The following DEFA4 variants were observed in gnomAD, a reference collection of about 807,000 sequenced individuals.
The protein encoded by DEFA4 is defensin alpha 4, also known as corticostatin.
Under a neutral mutation model 4.4 loss-of-function variants are expected in DEFA4, and 8 were observed. The ratio of observed to expected loss-of-function variants is 1.82; its 90% CI spans 1.07 to 3.29. DEFA4 has a LOEUF of 3.29. Among genes scored for constraint, DEFA4 ranks in the 30% most tolerant of loss-of-function variants. The pLI is 0.00. For synonymous variants in DEFA4, 77 were observed against 46.5 expected (o/e 1.66, Z -2.67); for missense variants, 216 against 127.0 (o/e 1.70, Z -3.37).
chr8:6,936,233 G>A (rs780978408), intron 2 of DEFA4, 92 bp from the exon 3 acceptor site: 17 of 1,539,668 alleles, frequency 1.1e-5, no homozygotes, highest in South Asian at 7.0e-5. Flanking sequence ...CTGGCTGACC[G>A]GTGATGCTGG....
intron 2 of DEFA4, 127 bp from the exon 3 acceptor site, chr8:6,936,268 C>G (rs978633805): frequency 8.6e-7 from 1 of 1,158,898 alleles, no homozygotes; most frequent in African/African-American, 1.5e-5. Flanking sequence ...GTAGCACAAA[C>G]AACCTTAGTC....
chr8:6,936,220 A>C, intron 2 of DEFA4, 79 bp from the exon 3 acceptor site: 2 of 1,580,212 alleles, frequency 1.3e-6, no homozygotes, highest in Non-Finnish European at 1.7e-6. Context: ...GAGAAGTCAC[A>C]TGCTGGCTGA....
chr8:6,936,193 T>C lies in DEFA4; in HGVS notation c.173-52A>G, dbSNP rs55977310. 45 of 1,603,588 alleles carry C rather than the reference T, an allele frequency of 2.8e-5. 1 individual carries two copies. The South Asian group carries it at 4.6e-4, about 17-fold the overall frequency. On this transcript the variant is annotated intron_variant, in intron 2 of 2. Transcript: ENST00000297435. Reference sequence around the variant, plus strand: ...ATTAAGCACCAAGGTCAGCGGTGGGTGGTAAAGGGAATCTTGGAGAAGTCA... The same window carrying C: ...ATTAAGCACCAAGGTCAGCGGTGGGCGGTAAAGGGAATCTTGGAGAAGTCA...
In DEFA4 at chr8:6,936,132, C is replaced by CT; in HGVS notation, c.181dup (p.Arg61LysfsTer64). Reference sequence around the variant, plus strand: ...TAATCTGCAAGAGCAGACCATGCCCCTTGTTGAGCCTGGGAACACAGAGGA... The same window carrying CT: ...TAATCTGCAAGAGCAGACCATGCCCCTTTGTTGAGCCTGGGAACACAGAGGA... On this transcript the variant is annotated frameshift_variant, in exon 3 of 3. Transcript: ENST00000297435. LOFTEE classifies it low-confidence loss of function (END_TRUNC). The CT allele has an allele frequency of 2.5e-6, 4 of 1,613,920 alleles. No homozygotes were observed. Among genetic ancestry groups the CT allele is most frequent in the African/African-American group, 1.3e-5 (1 of 75,032 alleles).
At position 6,936,874 on chromosome 8, in the gene DEFA4, G is replaced by C; in HGVS notation, c.26C>G (p.Ala9Gly). 6.2e-7 allele frequency: 1 copy of C among 1,610,198 alleles called. No homozygotes were observed. Among genetic ancestry groups the C allele is most frequent in the South Asian group, 1.1e-5 (1 of 90,164 alleles). The change falls in exon 2 of 3, where the codon GCT (alanine) becomes GGT (glycine). Residue 9 changes from alanine to glycine, a missense_variant. Coordinates refer to ENST00000297435, the MANE Select transcript of DEFA4 (RefSeq NM_001925.3). ...GACCTGGAGGGCTACCAAGAGAATAGCAGCGAGGAGGGCGATAATCCTCAT... is the reference window on the plus strand; with the variant it reads ...GACCTGGAGGGCTACCAAGAGAATACCAGCGAGGAGGGCGATAATCCTCAT... MRIIALLA[A>G]ILLVALQVRA...
rs1468065980 is a variant in DEFA4, at chr8:6,936,683, C to T, written c.172+45G>A. On this transcript the variant is annotated intron_variant, in intron 2 of 2. Coordinates refer to ENST00000297435, the MANE Select transcript of DEFA4 (RefSeq NM_001925.3). ...TGTGATTCCAGAGCCCATCTCCCAT[C>T]CGTCTCTCTAGACTCGGTAGCTTTT... The T allele has an allele frequency of 2.0e-6, 3 of 1,501,144 alleles. No individual in the cohort carries two copies. The Admixed American group carries it at 6.2e-5, about 31-fold the overall frequency. The allele number at this position is 1,501,144 out of a possible 1,614,324, so 93.0% of individuals were successfully genotyped here.
chr8:6,936,783 G>T lies in DEFA4; in HGVS notation c.117C>A (p.Asp39Glu), dbSNP rs769062464. 2 of 1,613,546 alleles carry T rather than the reference G, an allele frequency of 1.2e-6. No individual in the cohort carries two copies. Among genetic ancestry groups the T allele is most frequent in the African/African-American group, 2.7e-5 (2 of 74,922 alleles). The change falls in exon 2 of 3, where the codon GAC becomes GAA. Residue 39 changes from aspartate (D) to glutamate (E), a missense_variant. By Grantham distance (45) the Asp-to-Glu change is conservative. Coordinates refer to ENST00000297435, the MANE Select transcript of DEFA4 (RefSeq NM_001925.3). ...APGQEQRGPE[D>E]QDISISFAWD... ...ATGCAAAGGAAATAGATATGTCCTGGTCTTCTGGCCCACGCTGCTCCTGGC... is the reference window on the plus strand; with the variant it reads ...ATGCAAAGGAAATAGATATGTCCTGTTCTTCTGGCCCACGCTGCTCCTGGC...
chr8:6,937,685 A>G (rs183002069), intron 1 of DEFA4, among the ~76,000 whole-genome samples: 303 of 152,288 alleles, frequency 2.0e-3, no homozygotes, highest in African/African-American at 5.7e-3. Context: ...GACGTGAGTA[A>G]TGATTTCTTG....
chr8:6,936,123 A>C lies in DEFA4; in HGVS notation c.191T>G (p.Val64Gly). 1 of 1,614,042 alleles carries C rather than the reference A, an allele frequency of 6.2e-7. No individual in the cohort carries two copies. The highest frequency in any genetic ancestry group is 8.5e-7 in the Non-Finnish European group (1 of 1,180,018). The change falls in exon 3 of 3, where the codon GTC becomes GGC. Residue 64 changes from valine to glycine, a missense_variant. Physicochemically the swap from Val to Gly is moderately radical, Grantham distance 109. Transcript: ENST00000297435. Reference protein sequence around the residue: ...LQVSGSTRGMVCSCRLVFCRR... With the variant: ...LQVSGSTRGMGCSCRLVFCRR... ...GCAGAATACTAATCTGCAAGAGCAG[A>C]CCATGCCCCTTGTTGAGCCTGGGAA...
Position 6,936,101 on chromosome 8 carries a change from G to T in DEFA4, c.213C>A (p.Phe71Leu). ...CAACACGAAGTTCTGTTCGCCGGCA[G>T]AATACTAATCTGCAAGAGCAGACCA... ...RGMVCSCRLV[F>L]CRRTELRVGN... The change falls in exon 3 of 3, where the codon TTC becomes TTA. Residue 71 changes from phenylalanine (F) to leucine (L), a missense_variant. By Grantham distance (22) the Phe-to-Leu change is conservative. Coordinates refer to ENST00000297435, the MANE Select transcript of DEFA4 (RefSeq NM_001925.3). 1 of 1,614,044 alleles carries T rather than the reference G, an allele frequency of 6.2e-7. No individual in the cohort carries two copies. The highest frequency in any genetic ancestry group is 8.5e-7 in the Non-Finnish European group (1 of 1,180,018).
chr8:6,936,992 G>T, intron 1 of DEFA4, 81 bp from the exon 2 acceptor site: 1 of 1,269,442 alleles, frequency 7.9e-7, no homozygotes, highest in Non-Finnish European at 1.0e-6. Flanking sequence ...AGAAGGCACA[G>T]AGATAAGAAA....
intron 1 of DEFA4, among the ~76,000 whole-genome samples, chr8:6,937,499 G>A (rs756387013): frequency 1.3e-5 from 2 of 152,172 alleles, no homozygotes; most frequent in African/African-American, 2.4e-5. Context: ...TGAGCTCAGT[G>A]AGAGAGATAA....
At chr8:6,937,837 A>C (rs1364544481) in intron 1 of DEFA4, among the ~76,000 whole-genome samples, 1 of 152,210 alleles carries the variant, frequency 6.6e-6, no homozygotes, top group East Asian at 1.9e-4. Flanking sequence ...AAATGTTTGC[A>C]AAGCCTACGT....
intron 2 of DEFA4, 111 bp downstream of exon 2, chr8:6,936,617 G>T: frequency 1.8e-6 from 2 of 1,132,596 alleles, no homozygotes; most frequent in Non-Finnish European, 1.2e-6. Flanking sequence ...GAGGCCCAGA[G>T]ATGGTAAGTA....
chr8:6,936,654 G>A, intron 2 of DEFA4, 74 bp downstream of exon 2: 1 of 1,411,528 alleles, frequency 7.1e-7, no homozygotes, highest in Non-Finnish European at 9.4e-7. Flanking sequence ...ATCCACCATT[G>A]AGATGTGATT....
rs368531362 is a variant in DEFA4, at chr8:6,935,908, C to A, written c.*112G>T. On this transcript the variant is annotated 3_prime_UTR_variant, in exon 3 of 3. Coordinates refer to ENST00000297435, the MANE Select transcript of DEFA4 (RefSeq NM_001925.3). ...CAACCATTTCCTGTAGCTCTCAAAG[C>A]AAATTATGAGCTCATTTTTCTCTAT... The A allele has an allele frequency of 3.7e-5, 55 of 1,503,678 alleles. 1 individual carries two copies. The highest frequency in any genetic ancestry group is 2.5e-4 in the East Asian group (11 of 44,146). The allele number at this position is 1,503,678 out of a possible 1,614,324, so 93.1% of individuals were successfully genotyped here. A position where few individuals can be genotyped will look rare whatever the true frequency, so the allele number is the denominator to read the frequency against.
At chr8:6,936,634 C>T (rs1014539163) in intron 2 of DEFA4, 94 bp downstream of exon 2, 14 of 1,335,734 alleles carry the variant, frequency 1.0e-5, no homozygotes, top group African/African-American at 8.9e-5. Flanking sequence ...AGTAAAGCCA[C>T]CTAAGTGACA....
At chr8:6,937,417 G>A (rs1264172792) in intron 1 of DEFA4, among the ~76,000 whole-genome samples, 1 of 152,098 alleles carries the variant, frequency 6.6e-6, no homozygotes, top group Non-Finnish European at 1.5e-5. Flanking sequence ...GGCGACTGAG[G>A]TAATGGGGTG....
At chr8:6,936,195 G>A in intron 2 of DEFA4, 54 bp from the exon 3 acceptor site, 1 of 1,603,250 alleles carries the variant, frequency 6.2e-7, no homozygotes, top group South Asian at 1.1e-5. Context: ...GCGGTGGGTG[G>A]TAAAGGGAAT....
Sources: gnomAD v4.1 joint callset for allele counts (sites outside exome capture counted in the v4.1 genomes callset) on GRCh38, gnomAD v4.1.1 for gene constraint, MANE v1.5 for transcripts, NCBI Gene and HGNC (gene_info 2026-07-23, HGNC 2026-07-21) for gene names.